The following LCORL variants were observed in gnomAD, a reference collection of about 807,000 sequenced individuals.
LCORL encodes the protein ligand-dependent nuclear receptor corepressor-like protein.
Under a neutral mutation model 141.8 loss-of-function variants are expected in LCORL, and 41 were observed. The observed-to-expected ratio is 0.29, with a 90% CI of 0.23 to 0.38. The LOEUF (loss-of-function observed/expected upper bound fraction) is 0.38. LCORL is among the 10% of genes least tolerant of loss of function. LCORL has a pLI of 1.00. For missense variants in LCORL, 1,759 were observed against 2,035.0 expected (o/e 0.86, Z 2.61); for synonymous variants, 618 against 694.1 (o/e 0.89, Z 1.72).
At chr4:17,874,213 T>C in exon 7 of LCORL, 1 of 1,233,954 alleles carries the variant, frequency 8.1e-7, no homozygotes, top group Non-Finnish European at 1.0e-6. Context: ...CTTTTTAATC[T>C]AGCTATTGCT....
chr4:18,004,394 G>T (rs1188500751), intron 1 of LCORL, among the ~76,000 whole-genome samples: 1 of 152,192 alleles, frequency 6.6e-6, no homozygotes, highest in Admixed American at 6.5e-5. Context: ...GGCAGAAGGT[G>T]TAAGGCACAT....
chr4:17,986,655 C>A (rs908887515), intron 1 of LCORL, among the ~76,000 whole-genome samples: 7 of 152,012 alleles, frequency 4.6e-5, no homozygotes, highest in Non-Finnish European at 4.4e-5. Context: ...GCTACTTTGT[C>A]TGTCAGCTCC....
Position 17,912,805 on chromosome 4 carries a change from G to A in LCORL, c.431-3460C>T, listed in dbSNP as rs533414700. 5.0e-4 allele frequency: 215 copies of A among 431,682 alleles called. 3 individuals are homozygous for A. Among genetic ancestry groups the A allele is most frequent in the South Asian group, 3.8e-3 (205 of 54,090 alleles). 26.7% of individuals were successfully genotyped at this position (431,682 alleles called of 1,614,324 possible). On this transcript the variant is annotated intron_variant, in intron 4 of 7. Coordinates refer to ENST00000635767, the Ensembl canonical transcript of LCORL. ...AGTACGAGGTCCTGCCAAACATCAA[G>A]GTCAAGCTGGAGGCTAAGATCGACA...
chr4:17,859,439 T>C (rs1679965324), intron 7 of LCORL, among the ~76,000 whole-genome samples: 1 of 152,142 alleles, frequency 6.6e-6, no homozygotes, highest in Non-Finnish European at 1.5e-5. Flanking sequence ...AAATGTGATA[T>C]ACAGACTTTT....
intron 6 of LCORL, chr4:17,881,233 A>C: frequency 1.0e-6 from 1 of 983,160 alleles, no homozygotes; most frequent in South Asian, 4.7e-5. Flanking sequence ...TTTCACCTTC[A>C]TTAAGTCTGC....
intron 5 of LCORL, among the ~76,000 whole-genome samples, chr4:17,892,165 C>A (rs1729176375): frequency 6.6e-6 from 1 of 150,408 alleles, no homozygotes; most frequent in Non-Finnish European, 1.5e-5. Flanking sequence ...TTGGTTTTTC[C>A]TTCATTTGCC....
chr4:17,884,213 A>T lies in LCORL; in HGVS notation c.776+1855T>A. Reference sequence around the variant, plus strand: ...TTCTAGGACTGAAGAGGTTTTGGAAACTTGATACATAACATCCAACAGACC... The same window carrying T: ...TTCTAGGACTGAAGAGGTTTTGGAATCTTGATACATAACATCCAACAGACC... On this transcript the variant is annotated intron_variant, in intron 6 of 7. Transcript: ENST00000635767. This position sits in a 1 kb window ranked among gnomAD's most constrained non-coding sequence, Gnocchi z 4.4. 1 of 1,549,910 alleles carries T rather than the reference A, an allele frequency of 6.5e-7. No homozygotes were observed. Among genetic ancestry groups the T allele is most frequent in the South Asian group, 1.2e-5 (1 of 83,918 alleles).
chr4:17,968,210 A>G (rs1715291918), intron 2 of LCORL, among the ~76,000 whole-genome samples: 1 of 152,202 alleles, frequency 6.6e-6, no homozygotes, highest in South Asian at 2.1e-4. Flanking sequence ...ACTTTTTAAC[A>G]TTAAAAGTAA....
chr4:17,904,979 T>G (rs1469219895), intron 5 of LCORL, among the ~76,000 whole-genome samples: 1 of 152,142 alleles, frequency 6.6e-6, no homozygotes, highest in Non-Finnish European at 1.5e-5. Flanking sequence ...AATCATTCAT[T>G]TTGCTGGTCT....
At chr4:17,878,576 C>A (rs1727163465) in intron 6 of LCORL, among the ~76,000 whole-genome samples, 1 of 151,136 alleles carries the variant, frequency 6.6e-6, no homozygotes, top group African/African-American at 2.4e-5. Flanking sequence ...TATTCTGATA[C>A]ATAATTATCA....
chr4:18,018,017 C>T (rs1724882002), intron 1 of LCORL, among the ~76,000 whole-genome samples: 1 of 151,988 alleles, frequency 6.6e-6, no homozygotes, highest in African/African-American at 2.4e-5. Context: ...TGTAAAACAA[C>T]AAATGTAGGT....
chr4:17,895,258 T>C (rs966275318), intron 5 of LCORL, among the ~76,000 whole-genome samples: 7 of 152,076 alleles, frequency 4.6e-5, no homozygotes, highest in Non-Finnish European at 1.0e-4. Context: ...AACACAAGTA[T>C]TCCTCCTACC....
intron 4 of LCORL, among the ~76,000 whole-genome samples, chr4:17,933,819 G>T (rs371392718): frequency 9.9e-5 from 15 of 152,048 alleles, no homozygotes; most frequent in African/African-American, 3.6e-4. Context: ...TGCTGGTATG[G>T]TATAGTTTAT....
intron 1 of LCORL, among the ~76,000 whole-genome samples, chr4:17,999,286 T>C (rs1721525266): frequency 1.3e-5 from 2 of 151,648 alleles, no homozygotes; most frequent in Non-Finnish European, 1.5e-5. Context: ...ACCCCGTCTC[T>C]ACTAAAAATA....
intron 5 of LCORL, among the ~76,000 whole-genome samples, chr4:17,895,086 T>G (rs1729706723): frequency 6.6e-6 from 1 of 151,406 alleles, no homozygotes; most frequent in African/African-American, 2.4e-5. Flanking sequence ...TTGAACCTAT[T>G]TATGGGGTAC....
At chr4:17,936,762 T>C (rs185562703) in intron 4 of LCORL, among the ~76,000 whole-genome samples, 163 of 152,328 alleles carry the variant, frequency 1.1e-3, no homozygotes, top group Non-Finnish European at 1.8e-3. Flanking sequence ...TTTCTAATTC[T>C]ATCCTTCCCT....
chr4:17,887,705 T>C (rs904389251), intron 5 of LCORL, among the ~76,000 whole-genome samples: 2 of 152,150 alleles, frequency 1.3e-5, no homozygotes, highest in Non-Finnish European at 2.9e-5. Context: ...AGGAAGCCAC[T>C]GGAGAATTCT....
chr4:17,962,138 G>C (rs1318219944), intron 3 of LCORL, 106 bp from the exon 4 acceptor site: 3 of 627,052 alleles, frequency 4.8e-6, no homozygotes, highest in Non-Finnish European at 7.7e-6. Context: ...CATTTGTTCT[G>C]CTCTTTAAAT....
intron 4 of LCORL, among the ~76,000 whole-genome samples, chr4:17,958,541 C>T (rs977286875): frequency 2.0e-5 from 3 of 151,900 alleles, no homozygotes; most frequent in African/African-American, 7.2e-5. Flanking sequence ...TATCTGTAAA[C>T]AAGGCATTTT....
Sources: gnomAD v4.1 joint callset for allele counts (sites outside exome capture counted in the v4.1 genomes callset) on GRCh38, gnomAD v4.1.1 for gene constraint, Gnocchi (gnomAD v3.1) non-coding constraint, MANE v1.5 for transcripts, NCBI Gene and HGNC (gene_info 2026-07-23, HGNC 2026-07-21) for gene names.